Variants in KIF6 observed in about 807,000 individuals in gnomAD.
KIF6 encodes kinesin-like protein KIF6.
A neutral mutation model predicts 112.7 loss-of-function variants in KIF6; 106 were observed. The ratio of observed to expected loss-of-function variants is 0.94; its 90% confidence interval spans 0.80 to 1.11. KIF6 has a LOEUF of 1.11. Among genes scored for constraint, KIF6 ranks in the 50% least tolerant of loss-of-function variants. The pLI, the probability that KIF6 is intolerant of heterozygous loss-of-function variation, is 0.00. For synonymous variants in KIF6, 339 were observed against 339.9 expected (o/e 1.00, Z 0.03); for missense variants, 929 against 964.0 (o/e 0.96, Z 0.48).
chr6:39,346,278 C>G (rs1351616800), intron 20 of KIF6, 198 bp downstream of exon 20: 1 of 689,876 alleles, frequency 1.4e-6, no homozygotes, highest in African/African-American at 1.8e-5. Flanking sequence ...CCTGAAAAGT[C>G]ATGTGTTGAA....
chr6:39,501,603 C>G (rs1475144836), intron 13 of KIF6, among the ~76,000 whole-genome samples: 1 of 152,110 alleles, frequency 6.6e-6, no homozygotes, highest in Non-Finnish European at 1.5e-5. Context: ...CAGGAGCTGA[C>G]AGCCAAAATA....
At chr6:39,549,536 C>G (rs1288669766) in intron 10 of KIF6, among the ~76,000 whole-genome samples, 1 of 152,140 alleles carries the variant, frequency 6.6e-6, no homozygotes, top group Non-Finnish European at 1.5e-5. Flanking sequence ...ACAATACTTA[C>G]CATACTATAA....
intron 10 of KIF6, among the ~76,000 whole-genome samples, chr6:39,576,459 A>G (rs1379339878): frequency 1.3e-5 from 2 of 152,026 alleles, no homozygotes; most frequent in African/African-American, 4.8e-5. Context: ...CCCCCTTCCC[A>G]TCTTTGACTC....
chr6:39,599,440 A>T (rs1387504811), intron 6 of KIF6, among the ~76,000 whole-genome samples: 1 of 152,200 alleles, frequency 6.6e-6, no homozygotes, highest in African/African-American at 2.4e-5. Flanking sequence ...AAATAAAAAG[A>T]TGTCAAAATG....
intron 19 of KIF6, among the ~76,000 whole-genome samples, chr6:39,355,304 C>G (rs548175587): frequency 2.0e-5 from 3 of 151,510 alleles, no homozygotes; most frequent in South Asian, 2.1e-4. Context: ...CATTTTTTTT[C>G]TTTAAGTATA....
intron 3 of KIF6, among the ~76,000 whole-genome samples, chr6:39,676,637 G>A (rs772428245): frequency 5.9e-5 from 9 of 152,242 alleles, no homozygotes; most frequent in Middle Eastern, 3.4e-3. Context: ...GAGAAAATGG[G>A]AGGTATGTGA....
At chr6:39,517,490 C>T (rs1247210334) in intron 13 of KIF6, among the ~76,000 whole-genome samples, 1 of 152,164 alleles carries the variant, frequency 6.6e-6, no homozygotes, top group Non-Finnish European at 1.5e-5. Flanking sequence ...ACTGTCATCT[C>T]CTGCCTCCCT....
intron 3 of KIF6, among the ~76,000 whole-genome samples, chr6:39,666,329 T>C (rs918834164): frequency 1.3e-5 from 2 of 152,194 alleles, no homozygotes; most frequent in Non-Finnish European, 2.9e-5. Context: ...CTTTGTTTTT[T>C]CCAGTCATTA....
At chr6:39,485,549 G>A (rs1775061913) in intron 13 of KIF6, among the ~76,000 whole-genome samples, 1 of 152,106 alleles carries the variant, frequency 6.6e-6, no homozygotes, top group South Asian at 2.1e-4. Flanking sequence ...AGTAGGCCAG[G>A]AATCCATAAA....
At chr6:39,695,742 T>A (rs1034578223) in intron 3 of KIF6, among the ~76,000 whole-genome samples, 2 of 152,166 alleles carry the variant, frequency 1.3e-5, no homozygotes, top group African/African-American at 4.8e-5. Flanking sequence ...ATTTGGAGAT[T>A]TCTCAAAGAA....
intron 10 of KIF6, chr6:39,553,754 G>A (rs529892878): frequency 2.6e-5 from 4 of 152,222 alleles, no homozygotes; most frequent in African/African-American, 7.2e-5. Context: ...AGGTAGAGAC[G>A]GGCTCAGGAG....
At chr6:39,387,555 G>T (rs781517576) in intron 15 of KIF6, among the ~76,000 whole-genome samples, 2 of 152,142 alleles carry the variant, frequency 1.3e-5, no homozygotes, top group Non-Finnish European at 2.9e-5. Context: ...TGGGGGAAGG[G>T]TGGGAACTTC....
chr6:39,490,091 A>C (rs1248290009), intron 13 of KIF6, among the ~76,000 whole-genome samples: 1 of 152,242 alleles, frequency 6.6e-6, no homozygotes, highest in East Asian at 1.9e-4. Flanking sequence ...AATGATTGTT[A>C]GGCCATCAGA....
At chr6:39,581,064 T>C (rs1446017839) in intron 9 of KIF6, among the ~76,000 whole-genome samples, 1 of 152,120 alleles carries the variant, frequency 6.6e-6, no homozygotes, top group African/African-American at 2.4e-5. Flanking sequence ...GCTTTCATCC[T>C]TTCTGGAATA....
At chr6:39,639,268 A>C (rs1561887314) in intron 4 of KIF6, among the ~76,000 whole-genome samples, 2 of 152,212 alleles carry the variant, frequency 1.3e-5, no homozygotes, top group South Asian at 2.1e-4. Flanking sequence ...AGCTAAAAGA[A>C]AGATCTGCTT....
chr6:39,710,692 C>T (rs1789496316), intron 3 of KIF6, among the ~76,000 whole-genome samples: 1 of 151,954 alleles, frequency 6.6e-6, no homozygotes, highest in Non-Finnish European at 1.5e-5. Flanking sequence ...AACCACAGGG[C>T]AAAGAGAGGA....
chr6:39,573,304 AG>A (rs963813049), intron 10 of KIF6, among the ~76,000 whole-genome samples: 14 of 152,172 alleles, frequency 9.2e-5, no homozygotes, highest in African/African-American at 3.4e-4. Context: ...AGAGCAGTAC[AG>A]ACTAATGGTG....
In KIF6 at chr6:39,637,392, A is replaced by G. The variant is rs144064603; in HGVS notation, c.399+2218T>C. ...TAGGATTGCCAGACTGTAATGTAAC[A>G]CACATGTTTCCTGCAGACAGCCTTT... On this transcript the variant is annotated intron_variant, in intron 4 of 22. Transcript: ENST00000287152. Among the ~76,000 whole-genome samples, 1,480 of 152,124 alleles carry G rather than the reference A, an allele frequency of 9.7e-3. 27 individuals carry two copies. The highest frequency in any genetic ancestry group is 0.034 in the African/African-American group (1,397 of 41,528).
At chr6:39,703,877 G>A (rs1393882980) in intron 3 of KIF6, among the ~76,000 whole-genome samples, 1 of 152,166 alleles carries the variant, frequency 6.6e-6, no homozygotes, top group Non-Finnish European at 1.5e-5. Context: ...CATTTGTATA[G>A]GAAGGATTTT....
Sources: gnomAD v4.1 joint callset for allele counts (sites outside exome capture counted in the v4.1 genomes callset) on GRCh38, gnomAD v4.1.1 for gene constraint, MANE v1.5 for transcripts, NCBI Gene and HGNC (gene_info 2026-07-23, HGNC 2026-07-21) for gene names.